The following MYPN variants were observed in gnomAD, a reference collection of about 807,000 sequenced individuals.
MYPN encodes the protein myopalladin, also known as sarcomeric protein myopalladin, 145 kDa (MYOP).
A neutral mutation model predicts 129.4 loss-of-function variants in MYPN; 63 were observed. The observed-to-expected ratio is 0.49, with a 90% confidence interval of 0.40 to 0.60. MYPN has a LOEUF of 0.60. MYPN is among the 20% of genes least tolerant of loss of function. The pLI is 0.00. For missense variants in MYPN, 1,596 were observed against 1,635.4 expected, an observed-to-expected ratio of 0.98 and a Z score of 0.42; for synonymous variants, 629 against 600.9, an observed-to-expected ratio of 1.05 and a Z score of -0.68.
chr10:68,206,640 G>T (rs71541555), intron 18 of MYPN, 130 bp from the exon 19 acceptor site: 1 of 1,262,226 alleles, frequency 7.9e-7, no homozygotes, highest in Non-Finnish European at 1.2e-6. Context: ...CTTCTTTGAC[G>T]TCTTCCACCT....
chr10:68,194,558 C>A, intron 14 of MYPN, 46 bp downstream of exon 14: 2 of 1,599,114 alleles, frequency 1.3e-6, no homozygotes, highest in East Asian at 2.2e-5. Context: ...GAGGAAGGAG[C>A]GGTTGATGTC....
At position 68,199,399 on chromosome 10, in the gene MYPN, G is replaced by T. The variant is rs2134299463; in HGVS notation, c.3317G>T (p.Trp1106Leu). ...VSGLPPPELT[W>L]LLNGQPVLPD... ...GGTTTACCGCCCCCGGAGCTGACAT[G>T]GCTACTCAATGGCCAACCTGTGCTA... The change falls in exon 17 of 20, where the codon TGG becomes TTG. Residue 1106 changes from tryptophan to leucine, a missense_variant. Physicochemically the swap from Trp to Leu is moderately conservative, Grantham distance 61. Coordinates refer to ENST00000358913, the MANE Select transcript of MYPN (RefSeq NM_032578.4). 1 of 1,614,076 alleles carries T rather than the reference G, an allele frequency of 6.2e-7. No individual in the cohort carries two copies. The highest frequency in any genetic ancestry group is 8.5e-7 in the Non-Finnish European group (1 of 1,179,994).
upstream of MYPN, chr10:68,106,630 G>C (rs1488776099): frequency 7.1e-6 from 5 of 705,118 alleles, no homozygotes; most frequent in Non-Finnish European, 1.3e-5. Context: ...TGGTATATGT[G>C]AGTAATTTGT....
intron 12 of MYPN, among the ~76,000 whole-genome samples, chr10:68,187,216 AC>A (rs552602621): frequency 1.4e-3 from 207 of 151,948 alleles, no homozygotes; most frequent in African/African-American, 4.8e-3. Context: ...TACTAGAAAT[AC>A]AAAAGTTAGC....
At chr10:68,156,587 A>G (rs1403826155) in intron 6 of MYPN, among the ~76,000 whole-genome samples, 1 of 152,192 alleles carries the variant, frequency 6.6e-6, no homozygotes, top group African/African-American at 2.4e-5. Flanking sequence ...TCACAATATC[A>G]ATGCATAACA....
rs1454601697 is a variant in MYPN, at chr10:68,197,460, C to T, written c.3267C>T (p.Leu1089=). The part of the protein sequence containing the change: ...PGDMVAHEGR[L]CRLDCKVSGL... ...ATATGGTAGCTCATGAGGGGCGCCT[C>T]TGTCGGCTGGACTGTAAGGTAGACT... Residue 1089 remains leucine, a synonymous_variant, in exon 16 of 20, where the codon CTC becomes CTT. Coordinates refer to ENST00000358913, the MANE Select transcript of MYPN (RefSeq NM_032578.4). The T allele has an allele frequency of 3.7e-6, 6 of 1,613,768 alleles. No individual in the cohort carries two copies. The African/African-American group carries it at 4.0e-5, about 11-fold the overall frequency.
intron 2 of MYPN, among the ~76,000 whole-genome samples, chr10:68,126,355 A>G (rs547786099): frequency 6.6e-5 from 10 of 152,322 alleles, no homozygotes; most frequent in South Asian, 2.1e-4. Flanking sequence ...AGAACCTTGA[A>G]AGCAAAGCAG....
chr10:68,142,267 A>T (rs2042589569), intron 2 of MYPN, among the ~76,000 whole-genome samples: 1 of 152,136 alleles, frequency 6.6e-6, no homozygotes, highest in Non-Finnish European at 1.5e-5. Context: ...CTTATTATGC[A>T]CCTCTACATT....
chr10:68,149,199 G>A (rs1246664057), intron 5 of MYPN, among the ~76,000 whole-genome samples: 1 of 152,166 alleles, frequency 6.6e-6, no homozygotes, highest in East Asian at 1.9e-4. Flanking sequence ...TACAGCCTGG[G>A]CAACAGAATA....
chr10:68,204,744 A>AAAG (rs908401491), intron 18 of MYPN, among the ~76,000 whole-genome samples: 10 of 151,354 alleles, frequency 6.6e-5, no homozygotes, highest in Admixed American at 6.6e-5. Flanking sequence ...AAAAAAAAAA[A>AAAG]AGAGAATACA....
chr10:68,155,220 A>T (rs1224710813), intron 6 of MYPN, among the ~76,000 whole-genome samples: 1 of 151,922 alleles, frequency 6.6e-6, no homozygotes, highest in Non-Finnish European at 1.5e-5. Context: ...AACAAAAAAA[A>T]CCCTTCCATT....
At chr10:68,205,117 C>G (rs2043792030) in intron 18 of MYPN, among the ~76,000 whole-genome samples, 1 of 152,070 alleles carries the variant, frequency 6.6e-6, no homozygotes, top group Non-Finnish European at 1.5e-5. Flanking sequence ...TTAAAGTAAT[C>G]TCGTCTTAGT....
rs138295659 is a variant in MYPN, at chr10:68,197,379, C to T, written c.3186C>T (p.Asp1062=). Residue 1062 remains aspartate, a synonymous_variant, in exon 16 of 20, where the codon GAC becomes GAT. Transcript: ENST00000358913. ...GAAGATCCCGAGTGCAAGAAAGAGA[C>T]AAAGAGCCCCTACAGGAACGCTTTT... ...HRGRSRVQER[D]KEPLQERFFR... The T allele has an allele frequency of 3.7e-6, 6 of 1,613,874 alleles. No homozygotes were observed. The highest frequency in any genetic ancestry group is 1.1e-5 in the South Asian group (1 of 91,072).
chr10:68,160,932 A>G (rs908804762), intron 7 of MYPN, among the ~76,000 whole-genome samples: 10 of 152,004 alleles, frequency 6.6e-5, no homozygotes, highest in Admixed American at 3.9e-4. Flanking sequence ...GAAAAAACCT[A>G]CTCTTGAAAA....
chr10:68,195,156 T>C (rs540443390), intron 14 of MYPN, among the ~76,000 whole-genome samples: 1 of 152,364 alleles, frequency 6.6e-6, no homozygotes, highest in African/African-American at 2.4e-5. Flanking sequence ...CCATGCTTTC[T>C]AAATTTTGAC....
chr10:68,174,290 C>T lies in MYPN; in HGVS notation c.2198C>T (p.Thr733Ile). The T allele has an allele frequency of 6.2e-7, 1 of 1,614,200 alleles. No homozygotes were observed. Among genetic ancestry groups the T allele is most frequent in the Non-Finnish European group, 8.5e-7 (1 of 1,180,040 alleles). ...PKYFFPSTNT[T>I]AATVAPSSSP... ...TATTTCTTCCCCTCCACGAACACCA[C>T]CGCAGCAACTGTGGCCCCTTCCAGC... is the stretch of plus-strand genomic sequence containing the variant. Residue 733 changes from threonine (T) to isoleucine (I), a missense_variant, in exon 11 of 20, where the codon ACC becomes ATC. By Grantham distance (89) the Thr-to-Ile change is moderately conservative. Coordinates refer to ENST00000358913, the MANE Select transcript of MYPN (RefSeq NM_032578.4).
intron 5 of MYPN, 115 bp from the exon 6 acceptor site, chr10:68,149,925 C>T: frequency 1.2e-6 from 1 of 867,252 alleles, no homozygotes; most frequent in South Asian, 1.4e-5. Context: ...TAGAATACAT[C>T]AGTTTTTTGG....
At chr10:68,124,213 C>T (rs1045846726) in intron 2 of MYPN, among the ~76,000 whole-genome samples, 21 of 152,132 alleles carry the variant, frequency 1.4e-4, no homozygotes, top group Non-Finnish European at 2.6e-4. Flanking sequence ...AGCGTTAGCC[C>T]CTAGGGTAAC....
intron 1 of MYPN, among the ~76,000 whole-genome samples, chr10:68,098,852 A>C (rs1312583691): frequency 1.3e-5 from 2 of 148,836 alleles, no homozygotes; most frequent in Non-Finnish European, 2.9e-5. Flanking sequence ...TCAAAAAACA[A>C]ATTTTTTTTG....
Sources: gnomAD v4.1 joint callset for allele counts (sites outside exome capture counted in the v4.1 genomes callset) on GRCh38, gnomAD v4.1.1 for gene constraint, MANE v1.5 for transcripts, NCBI Gene and HGNC (gene_info 2026-07-23, HGNC 2026-07-21) for gene names.